The following DNMT3A variants were observed in gnomAD, a reference collection of about 807,000 sequenced individuals.
DNMT3A encodes DNA methyltransferase 3 alpha, also known as DNA (cytosine-5)-methyltransferase 3A.
A neutral mutation model predicts 117.6 loss-of-function variants in DNMT3A; 267 were observed. The ratio of observed to expected loss-of-function variants is 2.27; its 90% CI spans 2.05 to 2.51. The LOEUF (loss-of-function observed/expected upper bound fraction) is 2.51. Among genes scored for constraint, DNMT3A ranks in the 30% most tolerant of loss-of-function variants. The probability of loss-of-function intolerance (pLI) is 0.00; values close to 1 mark genes in which losing one functional copy is unlikely to be tolerated. For missense variants in DNMT3A, 1,029 were observed against 1,260.2 expected (o/e 0.82, Z 2.78); for synonymous variants, 432 against 474.8 (o/e 0.91, Z 1.17).
chr2:25,235,725 CATAAG>C lies in DNMT3A; in HGVS notation c.2574_2578del (p.Ile858MetfsTer4), dbSNP rs1367940180. ...CGGGTACCTTTCCATTTCAGTGCAC[CATAAG>C]ATGTCCTCTTTCTCATTCATGAAGA... On this transcript the variant is annotated frameshift_variant, in exon 22 of 23. Transcript: ENST00000321117. LOFTEE classifies it high-confidence loss of function. 6.2e-7 allele frequency: 1 copy of C among 1,613,926 alleles called. No homozygotes were observed. The highest frequency in any genetic ancestry group is 8.5e-7 in the Non-Finnish European group (1 of 1,179,948).
chr2:25,271,961 T>A (rs2030945384), intron 6 of DNMT3A, among the ~76,000 whole-genome samples: 1 of 152,126 alleles, frequency 6.6e-6, no homozygotes, highest in African/African-American at 2.4e-5. Context: ...TCTGCATATG[T>A]TAGAAAATGT....
In DNMT3A at chr2:25,311,791, G is replaced by T. The variant is rs1271562754; in HGVS notation, c.72+2122C>A. On this transcript the variant is annotated intron_variant, in intron 2 of 22. Transcript: ENST00000321117. This position sits in a 1 kb window ranked among gnomAD's most constrained non-coding sequence, Gnocchi z 5.2. ...GAGTCACTATCCCCATTTTCCAGCT[G>T]AGCAAACACAAGCCCAGATGGCCTG... 6.6e-6 allele frequency among the ~76,000 whole-genome samples: 1 copy of T among 152,128 alleles called. No homozygotes were observed. Among genetic ancestry groups the T allele is most frequent in the Non-Finnish European group, 1.5e-5 (1 of 68,026 alleles).
At chr2:25,320,516 AAAG>A (rs2034550350) in intron 1 of DNMT3A, among the ~76,000 whole-genome samples, 1 of 152,236 alleles carries the variant, frequency 6.6e-6, no homozygotes, top group Non-Finnish European at 1.5e-5. Flanking sequence ...AAAAAGAAAA[AAAG>A]AAAAAGAAGT....
chr2:25,248,375 G>C, intron 6 of DNMT3A, 123 bp from the exon 7 acceptor site: 2 of 1,047,456 alleles, frequency 1.9e-6, no homozygotes, highest in South Asian at 3.0e-5. Flanking sequence ...GGGCTGGAGA[G>C]AGCCAACCAG....
In DNMT3A at chr2:25,236,960, A is replaced by G. The variant is rs765929513; in HGVS notation, c.2454T>C (p.Cys818=). ...CCTTGGCTATCCTGCCATGCTCCAG[A>G]CACTCCTGCAGCTCCAGCTTATCAT... ...TVNDKLELQE[C]LEHGRIAKFS... Residue 818 remains cysteine, a synonymous_variant, in exon 21 of 23, where the codon TGT becomes TGC. Transcript: ENST00000321117. The surrounding 1 kb of genome is among the most constrained non-coding windows in gnomAD (Gnocchi z 4.5). The G allele has an allele frequency of 1.2e-6, 2 of 1,613,602 alleles. No homozygotes were observed. The highest frequency in any genetic ancestry group is 4.5e-5 in the East Asian group (2 of 44,866).
At chr2:25,244,437 T>A (rs539027952) in intron 14 of DNMT3A, 99 bp from the exon 15 acceptor site, 728 of 1,571,512 alleles carry the variant, frequency 4.6e-4, no homozygotes, top group Non-Finnish European at 5.9e-4. Flanking sequence ...GGAGCATGGC[T>A]AGGGGGTGGA....
At position 25,327,031 on chromosome 2, in the gene DNMT3A, G is replaced by A. The variant is rs569114317; in HGVS notation, c.-177-12870C>T. 9.2e-5 allele frequency among the ~76,000 whole-genome samples: 14 copies of A among 152,306 alleles called. No individual in the cohort carries two copies. Among genetic ancestry groups the A allele is most frequent in the African/African-American group, 2.6e-4 (11 of 41,554 alleles). Reference sequence around the variant, plus strand: ...TCTGCCAACATGGCATTACAGAGACGTTGCCATCCAGGGAGCCATCGCCAC... The same window carrying A: ...TCTGCCAACATGGCATTACAGAGACATTGCCATCCAGGGAGCCATCGCCAC... On this transcript the variant is annotated intron_variant, in intron 1 of 22. Coordinates refer to ENST00000321117, the MANE Select transcript of DNMT3A (RefSeq NM_022552.5). The surrounding 1 kb of genome is among the most constrained non-coding windows in gnomAD (Gnocchi z 4.1).
chr2:25,242,818 G>A (rs1457566589), intron 16 of DNMT3A, among the ~76,000 whole-genome samples: 1 of 152,154 alleles, frequency 6.6e-6, no homozygotes, highest in Non-Finnish European at 1.5e-5. Flanking sequence ...AGCAAACAAT[G>A]CCTGCAGGGT....
chr2:25,297,640 A>G (rs535365225), intron 3 of DNMT3A, among the ~76,000 whole-genome samples: 1 of 151,738 alleles, frequency 6.6e-6, no homozygotes, highest in Non-Finnish European at 1.5e-5. Context: ...CCTCCCGAGT[A>G]ACTGGGATTA....
In DNMT3A at chr2:25,244,585, CA is replaced by C; in HGVS notation, c.1621del (p.Cys541ValfsTer110). ...DGYQSYCTIC[C>X]GGREVLMCGN... ...GCACATGAGCACCTCACGGCCCCCA[CA>C]GCAGATGGTGCAGTAGGACTGGTAG... On this transcript the variant is annotated frameshift_variant, in exon 14 of 23. Transcript: ENST00000321117. LOFTEE classifies it high-confidence loss of function. 1 of 1,614,224 alleles carries C rather than the reference CA, an allele frequency of 6.2e-7. No individual in the cohort carries two copies. Among genetic ancestry groups the C allele is most frequent in the Non-Finnish European group, 8.5e-7 (1 of 1,180,026 alleles).
At chr2:25,278,714 T>C (rs1323030361) in intron 4 of DNMT3A, among the ~76,000 whole-genome samples, 1 of 152,142 alleles carries the variant, frequency 6.6e-6, no homozygotes, top group Non-Finnish European at 1.5e-5. Flanking sequence ...TAATCCCAGC[T>C]ACTCCGGAGG....
chr2:25,300,359 C>T (rs947132801), intron 2 of DNMT3A, 116 bp from the exon 3 acceptor site: 71 of 1,184,694 alleles, frequency 6.0e-5, no homozygotes, highest in East Asian at 7.8e-5. Context: ...TCCTGTCCCA[C>T]GAGCCACACT....
At chr2:25,259,092 TGCTGGGAA>T (rs1299597532) in intron 6 of DNMT3A, among the ~76,000 whole-genome samples, 1 of 152,248 alleles carries the variant, frequency 6.6e-6, no homozygotes, top group African/African-American at 2.4e-5. Flanking sequence ...TAATGGTGTA[TGCTGGGAA>T]GTCCCAGCCC....
intron 1 of DNMT3A, among the ~76,000 whole-genome samples, chr2:25,315,366 G>A (rs2034329530): frequency 1.3e-5 from 2 of 152,206 alleles, no homozygotes; most frequent in Admixed American, 6.5e-5. Flanking sequence ...GCTGGCAGGA[G>A]GAGCTTCTTA....
intron 6 of DNMT3A, among the ~76,000 whole-genome samples, chr2:25,265,326 T>G (rs755692061): frequency 5.3e-5 from 8 of 152,086 alleles, no homozygotes; most frequent in Non-Finnish European, 1.0e-4. Flanking sequence ...CTAAATGCAT[T>G]CTTCAATTTC....
At position 25,300,124 on chromosome 2, in the gene DNMT3A, G is replaced by A; in HGVS notation, c.177+15C>T. 6.2e-7 allele frequency: 1 copy of A among 1,611,816 alleles called. No homozygotes were observed. The highest frequency in any genetic ancestry group is 8.5e-7 in the Non-Finnish European group (1 of 1,178,938). ...GTGTGTGTGCACAGGAGGGTGTGTA[G>A]GATGTGACACTCACCGGGGGGTGCT... On this transcript the variant is annotated intron_variant, in intron 3 of 22. Coordinates refer to ENST00000321117, the MANE Select transcript of DNMT3A (RefSeq NM_022552.5).
chr2:25,260,998 C>T (rs907113435), intron 6 of DNMT3A, among the ~76,000 whole-genome samples: 1 of 151,846 alleles, frequency 6.6e-6, no homozygotes. Flanking sequence ...GACTCTGTCT[C>T]AAAAATTAAC....
At chr2:25,328,465 C>T (rs115644990) in intron 1 of DNMT3A, among the ~76,000 whole-genome samples, 1,867 of 152,254 alleles carry the variant, frequency 0.012, 39 homozygotes, top group African/African-American at 0.043. Context: ...CCCAAAACAC[C>T]GTCCCCTTCT....
chr2:25,315,859 C>T (rs2034354603), intron 1 of DNMT3A, among the ~76,000 whole-genome samples: 1 of 152,220 alleles, frequency 6.6e-6, no homozygotes, highest in Admixed American at 6.5e-5. Flanking sequence ...CCATTTGTTA[C>T]CACAGACATC....
Sources: gnomAD v4.1 joint callset for allele counts (sites outside exome capture counted in the v4.1 genomes callset) on GRCh38, gnomAD v4.1.1 for gene constraint, Gnocchi (gnomAD v3.1) non-coding constraint, MANE v1.5 for transcripts, NCBI Gene and HGNC (gene_info 2026-07-23, HGNC 2026-07-21) for gene names.